The following WWC2 variants were observed in gnomAD, a reference collection of about 807,000 sequenced individuals.
The protein encoded by WWC2 is protein WWC2.
WWC2 carries 101 observed loss-of-function variants against 138.5 expected under a neutral mutation model. The observed-to-expected ratio is 0.73, with a 90% CI of 0.62 to 0.86. The LOEUF is 0.86. Among genes scored for constraint, WWC2 ranks in the 40% least tolerant of loss-of-function variants. WWC2 has a pLI of 0.00. For missense variants in WWC2, 1,420 were observed against 1,419.4 expected, an observed-to-expected ratio of 1.00 and a Z score of -0.01; for synonymous variants, 558 against 538.4, an observed-to-expected ratio of 1.04 and a Z score of -0.50.
chr4:183,242,647 A>T (rs2111316818), intron 5 of WWC2, among the ~76,000 whole-genome samples: 1 of 152,304 alleles, frequency 6.6e-6, no homozygotes, highest in South Asian at 2.1e-4. Context: ...ATTCTGTGAA[A>T]ATTTGGTTCT....
At chr4:183,307,180 G>C (rs774199312) in intron 21 of WWC2, among the ~76,000 whole-genome samples, 1 of 152,150 alleles carries the variant, frequency 6.6e-6, no homozygotes, top group Non-Finnish European at 1.5e-5. Context: ...AGTAACAAAC[G>C]TAGCTGGAAA....
At chr4:183,288,995 C>T (rs1198887271) in intron 20 of WWC2, among the ~76,000 whole-genome samples, 1 of 152,182 alleles carries the variant, frequency 6.6e-6, no homozygotes, top group East Asian at 1.9e-4. Context: ...CCAGGCTGTA[C>T]TATGGTAACA....
intron 1 of WWC2, among the ~76,000 whole-genome samples, chr4:183,149,350 C>T (rs916133200): frequency 2.0e-5 from 3 of 152,110 alleles, no homozygotes; most frequent in Admixed American, 6.5e-5. Context: ...TGGCCGGGCG[C>T]GGTGGCTCAC....
intron 4 of WWC2, among the ~76,000 whole-genome samples, chr4:183,232,036 T>A (rs1476695193): frequency 6.6e-6 from 1 of 152,134 alleles, no homozygotes; most frequent in African/African-American, 2.4e-5. Flanking sequence ...ATCCAGGTGA[T>A]GGAATGAAGA....
chr4:183,218,424 T>C (rs1735818470), intron 4 of WWC2, among the ~76,000 whole-genome samples: 1 of 152,162 alleles, frequency 6.6e-6, no homozygotes, highest in South Asian at 2.1e-4. Flanking sequence ...TTTCGGTTCT[T>C]TGGGGTATAT....
chr4:183,156,325 C>T (rs1257533987), intron 1 of WWC2, among the ~76,000 whole-genome samples: 1 of 126,402 alleles, frequency 7.9e-6, no homozygotes, highest in Non-Finnish European at 1.6e-5. Flanking sequence ...CATGCCTGGC[C>T]CTTTGTTCTT....
chr4:183,284,291 C>T lies in WWC2; in HGVS notation c.2949C>T (p.Arg983=). 6.2e-7 allele frequency: 1 copy of T among 1,614,026 alleles called. No homozygotes were observed. Among genetic ancestry groups the T allele is most frequent in the Non-Finnish European group, 8.5e-7 (1 of 1,179,896 alleles). Residue 983 remains arginine, a synonymous_variant, in exon 19 of 23, where the codon CGC becomes CGT. Transcript: ENST00000403733. ...NDNMAVRPKE[R]SSLSSRQHPF... is the part of the protein sequence containing the mutation. ...ATATGGCAGTTCGCCCCAAAGAGCG[C>T]AGCAGCCTGAGCTCTAGACAGCATC...
intron 1 of WWC2, among the ~76,000 whole-genome samples, chr4:183,104,127 T>C (rs1250380587): frequency 4.0e-5 from 6 of 151,696 alleles, no homozygotes; most frequent in African/African-American, 1.5e-4. Flanking sequence ...GCCCAGCTAA[T>C]TTTTCGTAGT....
At chr4:183,152,389 C>G (rs1427550717) in intron 1 of WWC2, among the ~76,000 whole-genome samples, 2 of 151,968 alleles carry the variant, frequency 1.3e-5, no homozygotes, top group Non-Finnish European at 2.9e-5. Context: ...CTTCCAGCTA[C>G]TTGGGAGGCA....
At chr4:183,107,017 C>T (rs1238168124) in intron 1 of WWC2, among the ~76,000 whole-genome samples, 1 of 152,184 alleles carries the variant, frequency 6.6e-6, no homozygotes, top group Non-Finnish European at 1.5e-5. Context: ...TGTTTACCAC[C>T]ATTTTACATT....
chr4:183,173,607 C>T (rs6839568), intron 1 of WWC2, among the ~76,000 whole-genome samples: 3 of 151,640 alleles, frequency 2.0e-5, no homozygotes, highest in Non-Finnish European at 4.4e-5. Context: ...TTGTTTTGAC[C>T]AGTGGATTGC....
intron 19 of WWC2, among the ~76,000 whole-genome samples, chr4:183,285,559 G>A (rs761148402): frequency 6.6e-6 from 1 of 152,226 alleles, no homozygotes; most frequent in Admixed American, 6.5e-5. Context: ...TCAGAAGTTC[G>A]AGGCCAGCCT....
intron 1 of WWC2, among the ~76,000 whole-genome samples, chr4:183,143,350 A>G (rs1195547232): frequency 6.6e-6 from 1 of 152,084 alleles, no homozygotes; most frequent in African/African-American, 2.4e-5. Flanking sequence ...CTCCTTCTCA[A>G]CAGCTTCTGC....
At position 183,269,023 on chromosome 4, in the gene WWC2, C is replaced by T. The variant is rs192456369; in HGVS notation, c.2260C>T (p.Arg754Cys). Residue 754 changes from arginine (R) to cysteine (C), a missense_variant, in exon 15 of 23, where the codon CGC becomes TGC. By Grantham distance (180) the Arg-to-Cys change is radical (BLOSUM62 -3). Transcript: ENST00000403733. ...PSSTDVSCLF[R>C]TKVHPPTESI... Reference sequence around the variant, plus strand: ...CTCAACTGATGTCAGCTGTCTGTTTCGCACAAAAGTTCATCCGCCCACAGA... The same window carrying T: ...CTCAACTGATGTCAGCTGTCTGTTTTGCACAAAAGTTCATCCGCCCACAGA... The T allele has an allele frequency of 2.0e-5, 33 of 1,613,816 alleles. No homozygotes were observed. Among genetic ancestry groups the T allele is most frequent in the Non-Finnish European group, 2.5e-5 (30 of 1,179,848 alleles).
intron 4 of WWC2, among the ~76,000 whole-genome samples, chr4:183,231,786 T>C (rs1736254242): frequency 6.6e-6 from 1 of 152,066 alleles, no homozygotes; most frequent in African/African-American, 2.4e-5. Flanking sequence ...GCCTCCCGAG[T>C]AGCTGGGACT....
intron 5 of WWC2, among the ~76,000 whole-genome samples, chr4:183,242,028 A>G (rs1010858184): frequency 1.3e-5 from 2 of 152,232 alleles, no homozygotes; most frequent in African/African-American, 4.8e-5. Flanking sequence ...CAAGAAAACA[A>G]TAGACATTTG....
At position 183,261,292 on chromosome 4, in the gene WWC2, C is replaced by T. The variant is rs2111357951; in HGVS notation, c.1669C>T (p.Pro557Ser). 6.2e-7 allele frequency: 1 copy of T among 1,613,614 alleles called. No individual in the cohort carries two copies. The highest frequency in any genetic ancestry group is 8.5e-7 in the Non-Finnish European group (1 of 1,179,752). ...SSRSSLSSLS[P>S]PGSPLVLEGT... ...GAGGTCCTCCCTTTCCTCCTTGTCT[C>T]CTCCAGGCTCTCCCTTGGTTTTGGA... Residue 557 changes from proline to serine, a missense_variant, in exon 11 of 23, where the codon CCT (proline) becomes TCT (serine). Transcript: ENST00000403733.
intron 5 of WWC2, 70 bp downstream of exon 5, chr4:183,240,332 A>T (rs1308448670): frequency 8.2e-7 from 1 of 1,226,348 alleles, no homozygotes; most frequent in Non-Finnish European, 1.1e-6. Context: ...AGAAAATAGA[A>T]GTACAGATTA....
At chr4:183,250,212 G>C (rs1736936105) in intron 8 of WWC2, among the ~76,000 whole-genome samples, 1 of 129,320 alleles carries the variant, frequency 7.7e-6, no homozygotes, top group African/African-American at 3.0e-5. Flanking sequence ...GGGAGAATTA[G>C]TGAGAAGTAT....
Sources: gnomAD v4.1 joint callset for allele counts (sites outside exome capture counted in the v4.1 genomes callset) on GRCh38, gnomAD v4.1.1 for gene constraint, MANE v1.5 for transcripts, NCBI Gene and HGNC (gene_info 2026-07-23, HGNC 2026-07-21) for gene names.